DR1: variants seen among roughly 807,000 people sequenced by gnomAD.
DR1 encodes the protein protein Dr1.
A neutral mutation model predicts 19.9 loss-of-function variants in DR1; 7 were observed. The observed-to-expected ratio is 0.35, with a 90% CI of 0.20 to 0.66. The LOEUF (loss-of-function observed/expected upper bound fraction) is 0.66. DR1 is among the 30% of genes least tolerant of loss of function. The pLI, the probability that DR1 is intolerant of heterozygous loss-of-function variation, is 0.66. For missense variants in DR1, 98 were observed against 203.7 expected (o/e 0.48, Z 3.16); for synonymous variants, 76 against 72.5 (o/e 1.05, Z -0.24).
chr1:93,359,277 G>GCATCAC (rs1180048599), intron 2 of DR1, among the ~76,000 whole-genome samples: 4 of 152,146 alleles, frequency 2.6e-5, no homozygotes, highest in Non-Finnish European at 5.9e-5. Flanking sequence ...GTTATGCTGG[G>GCATCAC]CATCACTGTT....
At chr1:93,355,212 T>C (rs1666964795) in intron 2 of DR1, 1 of 152,158 alleles carries the variant, frequency 6.6e-6, no homozygotes, top group African/African-American at 2.4e-5. Flanking sequence ...TTATGAAATA[T>C]AAATTTTATT....
Position 93,363,176 on chromosome 1 carries a change from T to C in DR1, c.*2537T>C, listed in dbSNP as rs1022984632. 1 of 152,174 alleles carries C rather than the reference T, an allele frequency of 6.6e-6. No homozygotes were observed. The highest frequency in any genetic ancestry group is 1.5e-5 in the Non-Finnish European group (1 of 68,016). 9.4% of individuals were successfully genotyped at this position (152,174 alleles called of 1,614,324 possible). ...TATGTGTACCCCAGAAGCCCTCCTC[T>C]TTCCCCATCTTAACACTGTCTTCTT... On this transcript the variant is annotated 3_prime_UTR_variant, in exon 3 of 3. Transcript: ENST00000370272.
In DR1 at chr1:93,367,149, C is replaced by CAAAAAAAA. The variant is rs10586913; in HGVS notation, c.*6520_*6527dup. 7.0e-6 allele frequency: 1 copy of CAAAAAAAA among 142,190 alleles called. No individual in the cohort carries two copies. The highest frequency in any genetic ancestry group is 1.5e-5 in the Non-Finnish European group (1 of 65,900). The allele number at this position is 142,190 out of a possible 1,614,324, so 8.8% of individuals were successfully genotyped here. ...TGGGTGACAGAATGAGACCCTGTCT[C>CAAAAAAAA]AAAAAAAAAAAAAAAAAGTAAAAAT... On this transcript the variant is annotated 3_prime_UTR_variant, in exon 3 of 3. Transcript: ENST00000370272.
At chr1:93,354,123 C>G (rs1461200979) in intron 2 of DR1, 52 bp downstream of exon 2, 6 of 1,534,218 alleles carry the variant, frequency 3.9e-6, no homozygotes, top group South Asian at 1.2e-5. Flanking sequence ...TGTTTGCTAA[C>G]TGAAATTGCT....
Position 93,368,174 on chromosome 1 carries a change from C to T in DR1, c.*7535C>T, listed in dbSNP as rs947771780. 6.6e-6 allele frequency: 1 copy of T among 152,134 alleles called. No individual in the cohort carries two copies. Among genetic ancestry groups the T allele is most frequent in the Non-Finnish European group, 1.5e-5 (1 of 68,032 alleles). 9.4% of individuals were successfully genotyped at this position (152,134 alleles called of 1,614,324 possible). On this transcript the variant is annotated 3_prime_UTR_variant, in exon 3 of 3. Transcript: ENST00000370272. The stretch of plus-strand genomic sequence containing the variant: ...TGATAGTCCAGTCATAGACTGGTAA[C>T]ACAGGCACACCATTAAAAATAATAG...
chr1:93,349,303 A>G (rs1666890017), intron 1 of DR1, among the ~76,000 whole-genome samples: 2 of 152,098 alleles, frequency 1.3e-5, no homozygotes, highest in South Asian at 2.1e-4. Context: ...GAGTTTAAGA[A>G]AGTAGACTTG....
At position 93,347,006 on chromosome 1, in the gene DR1, C is replaced by G. The variant is rs540224040; in HGVS notation, c.220+141C>G. The G allele has an allele frequency of 2.3e-4, 169 of 734,016 alleles. 1 individual carries two copies. In the African/African-American group the frequency reaches 2.5e-3, roughly 11 times the overall value. 45.5% of individuals were successfully genotyped at this position (734,016 alleles called of 1,614,324 possible). Reference sequence around the variant, plus strand: ...AAAGCCAGACTGGCATGTAGGCAGCCGGTGCTTTAAAAACAATCCCTTTGT... The same window carrying G: ...AAAGCCAGACTGGCATGTAGGCAGCGGGTGCTTTAAAAACAATCCCTTTGT... On this transcript the variant is annotated intron_variant, in intron 1 of 2. Coordinates refer to ENST00000370272, the MANE Select transcript of DR1 (RefSeq NM_001938.3).
At chr1:93,355,587 G>A (rs1449767901) in intron 2 of DR1, 1 of 152,186 alleles carries the variant, frequency 6.6e-6, no homozygotes, top group African/African-American at 2.4e-5. Context: ...CTTTTAAATA[G>A]AATATGTATT....
intron 1 of DR1, among the ~76,000 whole-genome samples, chr1:93,350,652 T>G (rs1666903933): frequency 6.6e-6 from 1 of 152,164 alleles, no homozygotes; most frequent in African/African-American, 2.4e-5. Flanking sequence ...ACTTCTTTTT[T>G]GTTTTTTTAA....
chr1:93,353,706 A>G (rs534805055), intron 1 of DR1, among the ~76,000 whole-genome samples: 38 of 152,348 alleles, frequency 2.5e-4, no homozygotes, highest in Admixed American at 7.2e-4. Context: ...CTGATTTGCC[A>G]CCTAATATTT....
At chr1:93,356,877 A>G (rs1056668580) in intron 2 of DR1, among the ~76,000 whole-genome samples, 1 of 151,950 alleles carries the variant, frequency 6.6e-6, no homozygotes, top group Non-Finnish European at 1.5e-5. Flanking sequence ...ATGCACCACC[A>G]TGCCTGGCTA....
chr1:93,356,801 A>C (rs1666992644), intron 2 of DR1, among the ~76,000 whole-genome samples: 1 of 150,394 alleles, frequency 6.6e-6, no homozygotes. Flanking sequence ...GGCTCATTGC[A>C]ACCTCCGCCT....
intron 1 of DR1, among the ~76,000 whole-genome samples, chr1:93,352,451 A>G (rs1666925343): frequency 6.6e-6 from 1 of 152,238 alleles, no homozygotes; most frequent in South Asian, 2.1e-4. Flanking sequence ...GAGTTAACTT[A>G]ATAATAGGAC....
chr1:93,353,764 C>G (rs984227391), intron 1 of DR1, 144 bp from the exon 2 acceptor site: 2 of 564,308 alleles, frequency 3.5e-6, no homozygotes, highest in African/African-American at 3.9e-5. Context: ...AGTTGTTGTA[C>G]AACTATAAAA....
rs1446982397 is a variant in DR1 at position 93,368,714 on chromosome 1, A to G, written c.*8075A>G. The G allele has an allele frequency of 6.6e-6, 1 of 152,204 alleles. No individual in the cohort carries two copies. The highest frequency in any genetic ancestry group is 1.5e-5 in the Non-Finnish European group (1 of 68,042). 9.4% of individuals were successfully genotyped at this position (152,204 alleles called of 1,614,324 possible). The stretch of plus-strand genomic sequence containing the variant: ...AAGAACAATGGTATTTATTTCCAAA[A>G]CACTTATTTGGTATATTACATAGGA... On this transcript the variant is annotated 3_prime_UTR_variant, in exon 3 of 3. Transcript: ENST00000370272.
chr1:93,361,975 T>C lies in DR1; in HGVS notation c.*1336T>C, dbSNP rs1311072999. 1 of 152,510 alleles carries C rather than the reference T, an allele frequency of 6.6e-6. No homozygotes were observed. Among genetic ancestry groups the C allele is most frequent in the Non-Finnish European group, 1.5e-5 (1 of 67,910 alleles). The allele number at this position is 152,510 out of a possible 1,614,324, so 9.4% of individuals were successfully genotyped here. A position where few individuals can be genotyped will look rare whatever the true frequency, so the allele number is the denominator to read the frequency against. On this transcript the variant is annotated 3_prime_UTR_variant, in exon 3 of 3. Coordinates refer to ENST00000370272, the MANE Select transcript of DR1 (RefSeq NM_001938.3). ...AACAGAAAGGAAAAGTCACTTAAGA[T>C]AGTATTAAGTAATTAAATTCCTATG...
rs1667182672 is a variant in DR1 at position 93,367,627 on chromosome 1, C to T, written c.*6988C>T. On this transcript the variant is annotated 3_prime_UTR_variant, in exon 3 of 3. Transcript: ENST00000370272. ...TGGGAATTGAGAAGAAACCAGAATA[C>T]CCAGAGAAAACTCATGCAGATATGT... 1 of 152,190 alleles carries T rather than the reference C, an allele frequency of 6.6e-6. No homozygotes were observed. Among genetic ancestry groups the T allele is most frequent in the Non-Finnish European group, 1.5e-5 (1 of 68,052 alleles). The allele number at this position is 152,190 out of a possible 1,614,324, so 9.4% of individuals were successfully genotyped here. A position where few individuals can be genotyped will look rare whatever the true frequency, so the allele number is the denominator to read the frequency against.
chr1:93,354,571 C>G (rs1331396024), intron 2 of DR1, among the ~76,000 whole-genome samples: 1 of 152,128 alleles, frequency 6.6e-6, no homozygotes, highest in Non-Finnish European at 1.5e-5. Flanking sequence ...AATATCTAGA[C>G]TCTGAAGGAT....
chr1:93,347,921 A>G (rs1570707915), intron 1 of DR1, among the ~76,000 whole-genome samples: 1 of 152,152 alleles, frequency 6.6e-6, no homozygotes, highest in East Asian at 1.9e-4. Flanking sequence ...TCAGGGAAAA[A>G]TGATTAATTT....
Sources: gnomAD v4.1 joint callset for allele counts (sites outside exome capture counted in the v4.1 genomes callset) on GRCh38, gnomAD v4.1.1 for gene constraint, MANE v1.5 for transcripts, NCBI Gene and HGNC (gene_info 2026-07-23, HGNC 2026-07-21) for gene names.